ERC2: variants seen among roughly 807,000 people sequenced by gnomAD.
ERC2 encodes the protein ERC protein 2.
A neutral mutation model predicts 114.8 loss-of-function variants in ERC2; 42 were observed. That is an observed-to-expected ratio of 0.37 (90% CI 0.29 to 0.47). ERC2 has a LOEUF of 0.47. Ranked by LOEUF, ERC2 falls within the 20% of genes least tolerant of loss-of-function variation. The pLI is 0.99. For synonymous variants in ERC2, 454 were observed against 425.5 expected (o/e 1.07, Z -0.82); for missense variants, 939 against 1,150.7 (o/e 0.82, Z 2.66).
chr3:55,596,221 C>T (rs557175521), intron 17 of ERC2, among the ~76,000 whole-genome samples: 28 of 152,130 alleles, frequency 1.8e-4, no homozygotes, highest in African/African-American at 5.8e-4. Flanking sequence ...AGAGAACATG[C>T]GAAATAAGAA....
intron 6 of ERC2, among the ~76,000 whole-genome samples, chr3:56,087,561 T>C (rs1416622845): frequency 1.3e-5 from 2 of 152,068 alleles, no homozygotes; most frequent in East Asian, 1.9e-4. Flanking sequence ...AATCAAACAG[T>C]TCATTTCAAT....
chr3:56,280,965 A>G (rs2054298395), intron 3 of ERC2, among the ~76,000 whole-genome samples: 2 of 152,222 alleles, frequency 1.3e-5, no homozygotes, highest in African/African-American at 4.8e-5. Context: ...GCCCAACACA[A>G]AGTTAAGTGC....
intron 2 of ERC2, among the ~76,000 whole-genome samples, chr3:56,369,085 G>C (rs563644312): frequency 2.6e-5 from 4 of 152,292 alleles, no homozygotes; most frequent in South Asian, 2.1e-4. Flanking sequence ...AAGGCAGCGG[G>C]CCAAGAACCC....
intron 7 of ERC2, among the ~76,000 whole-genome samples, chr3:56,055,300 G>A (rs531860849): frequency 1.4e-4 from 21 of 152,292 alleles, no homozygotes; most frequent in Admixed American, 9.8e-4. Flanking sequence ...CAGACTTAGG[G>A]GAGAAAAGAC....
chr3:55,821,729 C>T (rs531751931), intron 14 of ERC2, among the ~76,000 whole-genome samples: 1 of 152,232 alleles, frequency 6.6e-6, no homozygotes, highest in Admixed American at 6.5e-5. Flanking sequence ...GCTATGACTC[C>T]ATTAACCTAA....
rs763941787 is a variant in ERC2 at position 55,963,978 on chromosome 3, A to C, written c.2268-13418T>G. 3.3e-5 allele frequency among the ~76,000 whole-genome samples: 5 copies of C among 152,222 alleles called. No individual in the cohort carries two copies. In the South Asian group the frequency reaches 1.0e-3, roughly 32 times the overall value. ...TGGGCTGCAGTGGTCCAGACATAAAATAAAACGGAGGTATAAGAAGATAAA... is the reference window on the plus strand; with the variant it reads ...TGGGCTGCAGTGGTCCAGACATAAACTAAAACGGAGGTATAAGAAGATAAA... On this transcript the variant is annotated intron_variant, in intron 12 of 17. Coordinates refer to ENST00000288221, the MANE Select transcript of ERC2 (RefSeq NM_015576.3).
intron 7 of ERC2, among the ~76,000 whole-genome samples, chr3:56,025,705 A>T (rs2073998581): frequency 6.6e-6 from 1 of 152,208 alleles, no homozygotes; most frequent in Non-Finnish European, 1.5e-5. Flanking sequence ...CCTTTTGATC[A>T]ACTTAAGGTC....
chr3:55,901,188 A>G (rs1489701504), intron 13 of ERC2, among the ~76,000 whole-genome samples: 1 of 152,180 alleles, frequency 6.6e-6, no homozygotes, highest in African/African-American at 2.4e-5. Flanking sequence ...AATAGTCATT[A>G]TCTGTTTTGA....
chr3:55,966,340 C>A (rs912838747), intron 12 of ERC2, among the ~76,000 whole-genome samples: 3 of 152,070 alleles, frequency 2.0e-5, no homozygotes, highest in Admixed American at 6.6e-5. Flanking sequence ...CTAGTTTCCA[C>A]CTGGATGGCA....
chr3:56,073,198 A>T (rs1248306082), intron 7 of ERC2, among the ~76,000 whole-genome samples: 1 of 152,204 alleles, frequency 6.6e-6, no homozygotes, highest in Admixed American at 6.5e-5. Context: ...AAGGTCTGTT[A>T]TACTAAGTAA....
chr3:55,544,351 C>T (rs1356659651), intron 17 of ERC2, among the ~76,000 whole-genome samples: 2 of 152,120 alleles, frequency 1.3e-5, no homozygotes, highest in African/African-American at 4.8e-5. Context: ...TAGGCCTCAA[C>T]GACAGCATTT....
intron 3 of ERC2, among the ~76,000 whole-genome samples, chr3:56,253,291 AT>A (rs2052303135): frequency 6.6e-6 from 1 of 152,188 alleles, no homozygotes; most frequent in Non-Finnish European, 1.5e-5. Context: ...TGGCTATATG[AT>A]ATTCTATCAC....
intron 14 of ERC2, among the ~76,000 whole-genome samples, chr3:55,746,322 C>T (rs2066297793): frequency 6.6e-6 from 1 of 151,956 alleles, no homozygotes; most frequent in Non-Finnish European, 1.5e-5. Flanking sequence ...CATCCTCTGC[C>T]TCCCGGGTTC....
At chr3:55,997,619 C>G (rs2071623794) in intron 10 of ERC2, among the ~76,000 whole-genome samples, 1 of 148,282 alleles carries the variant, frequency 6.7e-6, no homozygotes, top group Non-Finnish European at 1.5e-5. Flanking sequence ...AATGAAGAAC[C>G]AAGGGAAGAA....
In ERC2 at chr3:55,602,599, T is replaced by C. The variant is rs572451152; in HGVS notation, c.*39+81195A>G. On this transcript the variant is annotated intron_variant, in intron 17 of 17. Transcript: ENST00000288221. ...GGGGTTCACTCTGTGGCAGTGTTGCTCAGGAGGTTCTCTGCTGTGTAGCCT... is the reference window on the plus strand; with the variant it reads ...GGGGTTCACTCTGTGGCAGTGTTGCCCAGGAGGTTCTCTGCTGTGTAGCCT... 3.3e-5 allele frequency among the ~76,000 whole-genome samples: 5 copies of C among 152,290 alleles called. No individual in the cohort carries two copies. In the East Asian group the frequency reaches 9.7e-4, roughly 29 times the overall value.
chr3:55,597,914 T>C (rs777286838), intron 17 of ERC2, among the ~76,000 whole-genome samples: 1 of 152,158 alleles, frequency 6.6e-6, no homozygotes, highest in Non-Finnish European at 1.5e-5. Flanking sequence ...ACTTACATAA[T>C]AGACGGTAAA....
intron 3 of ERC2, among the ~76,000 whole-genome samples, chr3:56,237,427 C>A (rs143170150): frequency 1.9e-4 from 29 of 152,238 alleles, no homozygotes; most frequent in African/African-American, 7.0e-4. Flanking sequence ...ACCCTTTGAT[C>A]AGGGAGAAAA....
At chr3:55,535,267 A>T (rs1318700418) in intron 17 of ERC2, among the ~76,000 whole-genome samples, 1 of 152,206 alleles carries the variant, frequency 6.6e-6, no homozygotes, top group African/African-American at 2.4e-5. Flanking sequence ...GAATATTGGA[A>T]AGCAGGAAAC....
intron 7 of ERC2, among the ~76,000 whole-genome samples, chr3:56,070,130 T>C (rs1218674436): frequency 6.6e-6 from 1 of 152,222 alleles, no homozygotes; most frequent in Non-Finnish European, 1.5e-5. Flanking sequence ...TATAGATATG[T>C]GTAAAATTCT....
Sources: allele counts gnomAD v4.1 joint callset (sites outside exome capture counted in the v4.1 genomes callset), GRCh38; gene constraint gnomAD v4.1.1; transcripts MANE v1.5; gene names NCBI Gene and HGNC (gene_info 2026-07-23, HGNC 2026-07-21).